The following ZFHX4 variants were observed in gnomAD, a reference collection of about 807,000 sequenced individuals.
ZFHX4 encodes the protein zinc finger homeobox 4, also known as zinc finger homeobox protein 4.
A neutral mutation model predicts 267.6 loss-of-function variants in ZFHX4; 56 were observed. The observed-to-expected ratio is 0.21, with a 90% CI of 0.17 to 0.26. The LOEUF (loss-of-function observed/expected upper bound fraction) is 0.26, where lower values mean the gene tolerates loss of function less well. ZFHX4 is among the 10% of genes least tolerant of loss of function. The probability of loss-of-function intolerance (pLI) is 1.00; values close to 1 mark genes in which losing one functional copy is unlikely to be tolerated. For missense variants in ZFHX4, 4,332 were observed against 4,420.0 expected (o/e 0.98, Z 0.56); for synonymous variants, 1,778 against 1,665.6 (o/e 1.07, Z -1.64).
chr8:76,749,117 T>C (rs1809547785), intron 3 of ZFHX4, among the ~76,000 whole-genome samples: 1 of 152,210 alleles, frequency 6.6e-6, no homozygotes, highest in South Asian at 2.1e-4. Context: ...CAAGCTTTCT[T>C]TAAAGTTGAT....
At chr8:76,744,898 A>G (rs1809418560) in intron 3 of ZFHX4, among the ~76,000 whole-genome samples, 1 of 152,154 alleles carries the variant, frequency 6.6e-6, no homozygotes, top group African/African-American at 2.4e-5. Flanking sequence ...ACAGATGTTC[A>G]GGCTCCAATC....
chr8:76,838,906 T>C (rs1442211370), intron 5 of ZFHX4, among the ~76,000 whole-genome samples: 1 of 151,916 alleles, frequency 6.6e-6, no homozygotes, highest in African/African-American at 2.4e-5. Flanking sequence ...AATATAAAAA[T>C]TAGCTGGATA....
intron 4 of ZFHX4, among the ~76,000 whole-genome samples, chr8:76,815,510 A>G (rs1209692299): frequency 6.6e-6 from 1 of 151,846 alleles, no homozygotes; most frequent in Admixed American, 6.6e-5. Flanking sequence ...AAATTTATTT[A>G]TTTATTTTTG....
intron 4 of ZFHX4, among the ~76,000 whole-genome samples, chr8:76,812,267 A>G (rs1054007238): frequency 4.6e-5 from 7 of 152,332 alleles, no homozygotes; most frequent in African/African-American, 1.7e-4. Context: ...GCTTTTGCTT[A>G]TCTCATTTAT....
At chr8:76,848,532 T>C (rs967314043) in intron 6 of ZFHX4, among the ~76,000 whole-genome samples, 1 of 152,336 alleles carries the variant, frequency 6.6e-6, no homozygotes, top group East Asian at 1.9e-4. Flanking sequence ...TGACATAAAA[T>C]TATTATTATT....
Position 76,704,535 on chromosome 8 carries a change from G to T in ZFHX4, c.447G>T (p.Gly149=). 2 of 1,613,946 alleles carry T rather than the reference G, an allele frequency of 1.2e-6. No individual in the cohort carries two copies. The highest frequency in any genetic ancestry group is 1.7e-6 in the Non-Finnish European group (2 of 1,179,880). Residue 149 remains glycine (G), a synonymous_variant, in exon 2 of 11, where the codon GGG becomes GGT. Transcript: ENST00000651372. ...TAATTGAGGACTCCAAAGAAAGTGG[G>T]CAGAATGCACAGACTGGGGCAAATA... The part of the protein sequence containing the change: ...AYIIEDSKES[G]QNAQTGANSK...
At position 76,865,155 on chromosome 8, in the gene ZFHX4, A is replaced by T. The variant is rs1193658125; in HGVS notation, c.*590A>T. ...ACACAGATCCTTGAGCTCACGCTGC[A>T]GGATAGTACAGTTTTACCGCAGAGG... On this transcript the variant is annotated 3_prime_UTR_variant, in exon 11 of 11. Transcript: ENST00000651372. The T allele has an allele frequency of 6.5e-6, 1 of 152,720 alleles. No individual in the cohort carries two copies. The highest frequency in any genetic ancestry group is 1.5e-5 in the Non-Finnish European group (1 of 68,130). The allele number at this position is 152,720 out of a possible 1,614,324, so 9.5% of individuals were successfully genotyped here. A position where few individuals can be genotyped will look rare whatever the true frequency, so the allele number is the denominator to read the frequency against.
intron 4 of ZFHX4, among the ~76,000 whole-genome samples, chr8:76,827,326 G>A (rs985874438): frequency 4.6e-5 from 7 of 152,168 alleles, no homozygotes; most frequent in African/African-American, 7.2e-5. Flanking sequence ...GAGCTCAGGC[G>A]ACAAGGCTTG....
At chr8:76,862,345 G>A (rs1015077288) in intron 10 of ZFHX4, among the ~76,000 whole-genome samples, 1 of 152,110 alleles carries the variant, frequency 6.6e-6, no homozygotes, top group Non-Finnish European at 1.5e-5. Flanking sequence ...GCATGTTTTG[G>A]GGGTGGTAAA....
At chr8:76,716,152 T>C (rs1207734915) in intron 3 of ZFHX4, among the ~76,000 whole-genome samples, 1 of 152,202 alleles carries the variant, frequency 6.6e-6, no homozygotes, top group Non-Finnish European at 1.5e-5. Context: ...TATGATTACA[T>C]GTCCTTTTGC....
intron 10 of ZFHX4, among the ~76,000 whole-genome samples, chr8:76,860,903 T>C (rs1468107774): frequency 6.6e-6 from 1 of 152,146 alleles, no homozygotes; most frequent in African/African-American, 2.4e-5. Context: ...TTCTTGCCAA[T>C]AAATTTTTAT....
chr8:76,767,614 A>G (rs563802788), intron 3 of ZFHX4, among the ~76,000 whole-genome samples: 7 of 152,334 alleles, frequency 4.6e-5, no homozygotes, highest in African/African-American at 9.6e-5. Flanking sequence ...AATCTGATAA[A>G]AAATATATGA....
Position 76,855,768 on chromosome 8 carries a change from T to G in ZFHX4, c.8847T>G (p.Ser2949Arg), listed in dbSNP as rs780448454. 3.5e-5 allele frequency: 56 copies of G among 1,613,854 alleles called. No individual in the cohort carries two copies. Among genetic ancestry groups the G allele is most frequent in the Non-Finnish European group, 4.5e-5 (53 of 1,179,888 alleles). ...TCAAGGTTCTCAAGGCTTGCTTTAG[T>G]GACTACCGAACTCCAACCATGCAAG... ...LQLKVLKACF[S>R]DYRTPTMQEC... is the part of the protein sequence containing the mutation. Residue 2949 changes from serine (S) to arginine (R), a missense_variant, in exon 10 of 11, where the codon AGT (serine) becomes AGG (arginine). By Grantham distance (110) the Ser-to-Arg change is moderately radical. Around this residue, in one of 7 missense-constraint regions of ZFHX4, gnomAD observed 1,648 missense variants for 1,625.0 expected, o/e 1.01. Transcript: ENST00000651372.
intron 4 of ZFHX4, among the ~76,000 whole-genome samples, chr8:76,820,719 T>A (rs1002140675): frequency 6.6e-6 from 1 of 152,244 alleles, no homozygotes; most frequent in Non-Finnish European, 1.5e-5. Flanking sequence ...AATAGGAAAG[T>A]GTTTATGTTC....
Position 76,864,348 on chromosome 8 carries a change from C to T in ZFHX4, c.10634C>T (p.Pro3545Leu), listed in dbSNP as rs772514237. Residue 3545 changes from proline to leucine, a missense_variant, in exon 11 of 11, where the codon CCT (proline) becomes CTT (leucine). Physicochemically the swap from Pro to Leu is moderately conservative, Grantham distance 98. Around this residue, in one of 7 missense-constraint regions of ZFHX4, gnomAD observed 1,648 missense variants for 1,625.0 expected, o/e 1.01. Coordinates refer to ENST00000651372, the MANE Select transcript of ZFHX4 (RefSeq NM_024721.5). The part of the protein sequence containing the change: ...ARRAASPPSS[P>L]PSLSLPSTVT... The stretch of plus-strand genomic sequence containing the variant: ...AGAGCTGCTTCTCCCCCTTCTTCTC[C>T]TCCTTCCCTTTCCTTGCCTTCAACG... The T allele has an allele frequency of 1.2e-6, 2 of 1,613,836 alleles. No homozygotes were observed. The highest frequency in any genetic ancestry group is 1.3e-5 in the African/African-American group (1 of 75,012).
chr8:76,810,408 T>A (rs1350061040), intron 4 of ZFHX4, among the ~76,000 whole-genome samples: 1 of 152,170 alleles, frequency 6.6e-6, no homozygotes, highest in Non-Finnish European at 1.5e-5. Flanking sequence ...CATTAGGTCC[T>A]CTCATTGATT....
Position 76,712,145 on chromosome 8 carries a change from CT to C in ZFHX4, c.3093+4098del, listed in dbSNP as rs1808441333. Among the ~76,000 whole-genome samples, 3 of 152,114 alleles carry C rather than the reference CT, an allele frequency of 2.0e-5. No homozygotes were observed. In the South Asian group the frequency reaches 6.2e-4, roughly 32 times the overall value. ...TGACTGAAAGCAGTGAACAAATTGC[CT>C]GTCTCCATGGTGAGCAAAGGAACAC... On this transcript the variant is annotated intron_variant, in intron 3 of 10. Coordinates refer to ENST00000651372, the MANE Select transcript of ZFHX4 (RefSeq NM_024721.5).
At chr8:76,780,884 C>T (rs1187226782) in intron 4 of ZFHX4, among the ~76,000 whole-genome samples, 1 of 152,012 alleles carries the variant, frequency 6.6e-6, no homozygotes, top group East Asian at 1.9e-4. Flanking sequence ...TTCTTAAGTA[C>T]CAGATTTTGT....
intron 5 of ZFHX4, among the ~76,000 whole-genome samples, chr8:76,840,809 T>C (rs959431413): frequency 6.6e-6 from 1 of 152,168 alleles, no homozygotes; most frequent in Non-Finnish European, 1.5e-5. Flanking sequence ...TGTGTGGACT[T>C]GGGAGGGACA....
Sources: gnomAD v4.1 joint callset for allele counts (sites outside exome capture counted in the v4.1 genomes callset) on GRCh38, gnomAD v4.1.1 for gene constraint, gnomAD v4.1.1 regional missense constraint, MANE v1.5 for transcripts, NCBI Gene and HGNC (gene_info 2026-07-23, HGNC 2026-07-21) for gene names.